Variants in PHACTR3 observed in about 807,000 individuals in gnomAD.
The protein encoded by PHACTR3 is phosphatase and actin regulator 3, also known as protein phosphatase 1, regulatory subunit 123.
PHACTR3 carries 16 observed loss-of-function variants against 66.8 expected under a neutral mutation model. The observed-to-expected ratio is 0.24, with a 90% confidence interval of 0.16 to 0.36. The LOEUF (loss-of-function observed/expected upper bound fraction) is 0.36. Among genes scored for constraint, PHACTR3 ranks in the 10% least tolerant of loss-of-function variants. The pLI, the probability that PHACTR3 is intolerant of heterozygous loss-of-function variation, is 1.00. For synonymous variants in PHACTR3, 323 were observed against 292.1 expected (o/e 1.11, Z -1.08); for missense variants, 647 against 719.9 (o/e 0.90, Z 1.16).
At chr20:59,834,379 CCATTCCCTGTTTA>C (rs2042466516) in intron 8 of PHACTR3, among the ~76,000 whole-genome samples, 1 of 152,320 alleles carries the variant, frequency 6.6e-6, no homozygotes, top group East Asian at 1.9e-4. Flanking sequence ...GGTTCTCTTA[CCATTCCCTGTTTA>C]CAGAGACTCA....
chr20:59,846,338 G>T (rs1361116564), intron 12 of PHACTR3, among the ~76,000 whole-genome samples: 2 of 152,114 alleles, frequency 1.3e-5, no homozygotes, highest in Non-Finnish European at 2.9e-5. Context: ...TATATCAAGG[G>T]GAAGGGAAAG....
intron 8 of PHACTR3, among the ~76,000 whole-genome samples, chr20:59,828,920 G>A (rs943478785): frequency 7.9e-5 from 12 of 152,046 alleles, no homozygotes; most frequent in African/African-American, 2.9e-4. Context: ...GATCAGGGAA[G>A]TGGCCTTGGG....
intron 1 of PHACTR3, among the ~76,000 whole-genome samples, chr20:59,597,017 G>A (rs1202892496): frequency 6.6e-6 from 1 of 152,274 alleles, no homozygotes; most frequent in East Asian, 1.9e-4. Context: ...GCCTGGCATG[G>A]AGTCAGTGTT....
chr20:59,798,658 A>AT (rs2041323598), intron 7 of PHACTR3, among the ~76,000 whole-genome samples: 1 of 152,094 alleles, frequency 6.6e-6, no homozygotes, highest in Non-Finnish European at 1.5e-5. Flanking sequence ...GATTCACTAT[A>AT]TTTTTTATAT....
In PHACTR3 at chr20:59,755,447, C is replaced by T. The variant is rs909984246; in HGVS notation, c.541+83C>T. On this transcript the variant is annotated intron_variant, in intron 4 of 12. Coordinates refer to ENST00000371015, the MANE Select transcript of PHACTR3 (RefSeq NM_080672.5). ...CTGTTGTCCTTGGCTATAGCTTAGG[C>T]AACAGCCCTCGTAGAACATTGTTCT... is the stretch of plus-strand genomic sequence containing the variant. The T allele has an allele frequency of 1.3e-5, 19 of 1,407,510 alleles. No homozygotes were observed. In the African/African-American group the frequency reaches 2.3e-4, roughly 17 times the overall value. The allele number at this position is 1,407,510 out of a possible 1,614,324, so 87.2% of individuals were successfully genotyped here.
chr20:59,621,181 C>T (rs1441787966), intron 1 of PHACTR3, among the ~76,000 whole-genome samples: 1 of 152,252 alleles, frequency 6.6e-6, no homozygotes, highest in South Asian at 2.1e-4. Context: ...TGGGAAGGTG[C>T]TCTCAGGGGC....
At chr20:59,620,165 C>T (rs990708322) in intron 1 of PHACTR3, among the ~76,000 whole-genome samples, 9 of 152,172 alleles carry the variant, frequency 5.9e-5, no homozygotes, top group South Asian at 2.1e-4. Context: ...TTTCTAATTT[C>T]CTTTAGAGCA....
At chr20:59,677,611 A>G (rs1179859928) in intron 1 of PHACTR3, among the ~76,000 whole-genome samples, 1 of 152,160 alleles carries the variant, frequency 6.6e-6, no homozygotes, top group East Asian at 1.9e-4. Context: ...GACCCAGTGG[A>G]AAATGGCGAT....
chr20:59,605,859 G>GT (rs2033649239), intron 1 of PHACTR3, among the ~76,000 whole-genome samples: 1 of 6,042 alleles, frequency 1.7e-4, no homozygotes, highest in South Asian at 0.011. Flanking sequence ...GGGGGGAGGT[G>GT]GGGGGGGGGG....
At chr20:59,683,038 G>A (rs1481616945) in intron 1 of PHACTR3, among the ~76,000 whole-genome samples, 1 of 152,226 alleles carries the variant, frequency 6.6e-6, no homozygotes, top group Admixed American at 6.5e-5. Flanking sequence ...CCAGGCGGGA[G>A]ATGATGCTAA....
chr20:59,646,018 G>C (rs1000574583), intron 1 of PHACTR3, among the ~76,000 whole-genome samples: 1 of 152,190 alleles, frequency 6.6e-6, no homozygotes, highest in African/African-American at 2.4e-5. Context: ...AGGTGGCAAG[G>C]GTTGTAAGCT....
chr20:59,806,668 A>G (rs879325580), intron 8 of PHACTR3, among the ~76,000 whole-genome samples: 22 of 152,200 alleles, frequency 1.4e-4, no homozygotes, highest in Non-Finnish European at 2.4e-4. Context: ...CCCCACCCAC[A>G]TACACACAGT....
chr20:59,597,221 G>A (rs558004728), intron 1 of PHACTR3, among the ~76,000 whole-genome samples: 22 of 152,330 alleles, frequency 1.4e-4, no homozygotes, highest in African/African-American at 4.8e-4. Context: ...GTAAGAAAGA[G>A]GATGATTATT....
intron 1 of PHACTR3, among the ~76,000 whole-genome samples, chr20:59,678,039 G>A (rs2036511568): frequency 6.6e-6 from 1 of 152,162 alleles, no homozygotes; most frequent in South Asian, 2.1e-4. Flanking sequence ...GCAATAAGAG[G>A]CCAGTATGAA....
At chr20:59,790,464 A>C (rs1214321205) in intron 7 of PHACTR3, among the ~76,000 whole-genome samples, 1 of 152,234 alleles carries the variant, frequency 6.6e-6, no homozygotes, top group Non-Finnish European at 1.5e-5. Flanking sequence ...ATATGCATGC[A>C]GAGAAATGCA....
chr20:59,639,336 G>T (rs1600983063), intron 1 of PHACTR3, among the ~76,000 whole-genome samples: 1 of 152,174 alleles, frequency 6.6e-6, no homozygotes, highest in Non-Finnish European at 1.5e-5. Flanking sequence ...GGAGAAAGGA[G>T]CACCTGCAGG....
intron 7 of PHACTR3, among the ~76,000 whole-genome samples, chr20:59,804,684 G>T (rs995078331): frequency 6.6e-6 from 1 of 152,224 alleles, no homozygotes; most frequent in Non-Finnish European, 1.5e-5. Flanking sequence ...AGTGGGGCCT[G>T]AGCCCTTGCT....
intron 2 of PHACTR3, among the ~76,000 whole-genome samples, 169 bp downstream of exon 2, chr20:59,743,437 C>T (rs1013978863): frequency 5.3e-5 from 8 of 152,204 alleles, no homozygotes; most frequent in Non-Finnish European, 1.0e-4. Flanking sequence ...GCTGGCCCCT[C>T]CAGGGCCCAC....
chr20:59,641,385 A>G (rs2035098603), intron 1 of PHACTR3, among the ~76,000 whole-genome samples: 1 of 152,200 alleles, frequency 6.6e-6, no homozygotes, highest in Admixed American at 6.5e-5. Context: ...GAGAGAGCCA[A>G]TGGTGTAGTT....
Sources: gnomAD v4.1 joint callset for allele counts (sites outside exome capture counted in the v4.1 genomes callset) on GRCh38, gnomAD v4.1.1 for gene constraint, MANE v1.5 for transcripts, NCBI Gene and HGNC (gene_info 2026-07-23, HGNC 2026-07-21) for gene names.